The following KANSL1L variants were observed in gnomAD, a reference collection of about 807,000 sequenced individuals.
KANSL1L encodes the protein KAT8 regulatory NSL complex subunit 1-like protein.
Under a neutral mutation model 108.6 loss-of-function variants are expected in KANSL1L, and 25 were observed. The ratio of observed to expected loss-of-function variants is 0.23; its 90% CI spans 0.17 to 0.32. The LOEUF (loss-of-function observed/expected upper bound fraction) is 0.32. Ranked by LOEUF, KANSL1L falls within the 10% of genes least tolerant of loss-of-function variation. The pLI, the probability that KANSL1L is intolerant of heterozygous loss-of-function variation, is 1.00. For synonymous variants in KANSL1L, 405 were observed against 395.1 expected, an observed-to-expected ratio of 1.03 and a Z score of -0.30; for missense variants, 1,137 against 1,125.7, an observed-to-expected ratio of 1.01 and a Z score of -0.14.
At chr2:210,106,974 TA>T (rs575919743) in intron 3 of KANSL1L, among the ~76,000 whole-genome samples, 1 of 151,976 alleles carries the variant, frequency 6.6e-6, no homozygotes, top group African/African-American at 2.4e-5. Flanking sequence ...TTTCTGTTCT[TA>T]AAAAAATTAG....
chr2:210,045,891 A>G (rs1314423972), intron 6 of KANSL1L, among the ~76,000 whole-genome samples: 1 of 152,058 alleles, frequency 6.6e-6, no homozygotes, highest in Non-Finnish European at 1.5e-5. Flanking sequence ...TTACTTTTTT[A>G]GCAGGCTTAC....
chr2:210,111,184 T>A (rs759152933), intron 3 of KANSL1L, among the ~76,000 whole-genome samples: 1 of 150,566 alleles, frequency 6.6e-6, no homozygotes, highest in Non-Finnish European at 1.5e-5. Flanking sequence ...CTAAAACTTA[T>A]AGATGAATAT....
At position 210,132,673 on chromosome 2, in the gene KANSL1L, A is replaced by T. The variant is rs958154191; in HGVS notation, c.1089-3501T>A. Among the ~76,000 whole-genome samples, 8 of 152,204 alleles carry T rather than the reference A, an allele frequency of 5.3e-5. No homozygotes were observed. In the South Asian group the frequency reaches 8.3e-4, roughly 16 times the overall value. ...TCTTTGTTTTGACCTCCTGGTATGAACTCATTTGGTCATGATGAATTTTTA... is the reference window on the plus strand; with the variant it reads ...TCTTTGTTTTGACCTCCTGGTATGATCTCATTTGGTCATGATGAATTTTTA... On this transcript the variant is annotated intron_variant, in intron 2 of 14. Transcript: ENST00000281772.
intron 6 of KANSL1L, among the ~76,000 whole-genome samples, chr2:210,062,294 T>C (rs749984861): frequency 6.6e-6 from 1 of 152,264 alleles, no homozygotes; most frequent in Admixed American, 6.5e-5. Context: ...TGTGCGGTGA[T>C]TGTGAGGCAT....
At chr2:210,057,583 C>T (rs1437693617) in intron 6 of KANSL1L, among the ~76,000 whole-genome samples, 1 of 152,258 alleles carries the variant, frequency 6.6e-6, no homozygotes, top group East Asian at 1.9e-4. Flanking sequence ...CACATGTAGT[C>T]CCAGCTACTC....
intron 5 of KANSL1L, among the ~76,000 whole-genome samples, chr2:210,078,241 A>G (rs1291878146): frequency 6.6e-6 from 1 of 152,140 alleles, no homozygotes; most frequent in Non-Finnish European, 1.5e-5. Flanking sequence ...GATAATAGAA[A>G]TTTTTCAGCT....
At chr2:210,067,979 G>A (rs570488026) in intron 6 of KANSL1L, among the ~76,000 whole-genome samples, 2 of 152,132 alleles carry the variant, frequency 1.3e-5, no homozygotes, top group East Asian at 3.9e-4. Context: ...CTGGGTTCAA[G>A]CAATTTTCCT....
intron 5 of KANSL1L, among the ~76,000 whole-genome samples, chr2:210,082,560 G>C (rs2094598734): frequency 1.3e-5 from 2 of 152,162 alleles, no homozygotes; most frequent in Admixed American, 6.5e-5. Context: ...TGGAAAAATA[G>C]ACGAATACCA....
At chr2:210,108,616 C>G (rs1201489014) in intron 3 of KANSL1L, among the ~76,000 whole-genome samples, 1 of 151,196 alleles carries the variant, frequency 6.6e-6, no homozygotes, top group Admixed American at 6.6e-5. Flanking sequence ...ACTCTATTTG[C>G]TATAAAAAAC....
At chr2:210,113,436 A>G (rs2125472018) in intron 3 of KANSL1L, among the ~76,000 whole-genome samples, 1 of 152,282 alleles carries the variant, frequency 6.6e-6, no homozygotes, top group East Asian at 1.9e-4. Context: ...TAATAAACAA[A>G]AATGATTTTA....
chr2:210,120,851 C>T (rs1240219764), intron 3 of KANSL1L, among the ~76,000 whole-genome samples: 1 of 152,134 alleles, frequency 6.6e-6, no homozygotes, highest in Non-Finnish European at 1.5e-5. Flanking sequence ...TGAAAAGACA[C>T]TTTTCAACAG....
intron 3 of KANSL1L, among the ~76,000 whole-genome samples, chr2:210,114,249 C>T (rs775052900): frequency 5.3e-5 from 8 of 151,906 alleles, no homozygotes; most frequent in Non-Finnish European, 1.2e-4. Flanking sequence ...TTTGGAGGTC[C>T]AAAGGCAGTT....
At chr2:210,034,243 T>C (rs1186458584) in intron 8 of KANSL1L, among the ~76,000 whole-genome samples, 1 of 152,220 alleles carries the variant, frequency 6.6e-6, no homozygotes, top group Non-Finnish European at 1.5e-5. Flanking sequence ...TAGGAAAATA[T>C]TCATTTCAGT....
chr2:210,083,841 A>T (rs1238461290), intron 5 of KANSL1L, among the ~76,000 whole-genome samples: 2 of 151,326 alleles, frequency 1.3e-5, no homozygotes, highest in Non-Finnish European at 2.9e-5. Context: ...AAAAAAAAAA[A>T]AAAAAAAAGT....
chr2:210,149,584 A>C (rs2095288123), intron 2 of KANSL1L, among the ~76,000 whole-genome samples: 1 of 152,098 alleles, frequency 6.6e-6, no homozygotes, highest in Non-Finnish European at 1.5e-5. Context: ...AGAAAATAAC[A>C]AAAATAAACT....
At chr2:210,117,480 GA>G (rs1330446258) in intron 3 of KANSL1L, among the ~76,000 whole-genome samples, 1 of 152,100 alleles carries the variant, frequency 6.6e-6, no homozygotes, top group East Asian at 1.9e-4. Context: ...AGGGAATAAA[GA>G]AAGGATTCAA....
In KANSL1L at chr2:210,153,711, T is replaced by C; in HGVS notation, c.872A>G (p.Glu291Gly). The change falls in exon 2 of 15, where the codon GAA becomes GGA. Residue 291 changes from glutamate (E) to glycine (G), a missense_variant. Glu to Gly is a moderately conservative substitution (Grantham distance 98, BLOSUM62 -2). This residue lies in a region of KANSL1L where 556 missense variants were observed against 537.7 expected (regional missense o/e 1.03). Coordinates refer to ENST00000281772, the MANE Select transcript of KANSL1L (RefSeq NM_152519.4). ...CAATGTGTTAACTTCTGGCTTAATT[T>C]CAGTGCATTTAGGTAAACTATTACC... ...ILGNSLPKCT[E>G]IKPEVNTLTA... is the part of the protein sequence containing the mutation. The C allele has an allele frequency of 6.2e-7, 1 of 1,604,226 alleles. No individual in the cohort carries two copies. Among genetic ancestry groups the C allele is most frequent in the South Asian group, 1.1e-5 (1 of 89,140 alleles).
chr2:210,084,377 G>A (rs1352342285), intron 5 of KANSL1L, among the ~76,000 whole-genome samples: 3 of 151,934 alleles, frequency 2.0e-5, no homozygotes, highest in East Asian at 1.9e-4. Flanking sequence ...AGCCGAGATC[G>A]CACCACTGCA....
In KANSL1L at chr2:210,153,598, T is replaced by A. The variant is rs2095316692; in HGVS notation, c.985A>T (p.Thr329Ser). ...AEIQRFAFSA[T>S]GLLSHVEEGL... ...TCTTCAACATGAGACAACAGCCCTGTAGCAGAAAATGCAAATCTTTGGATT... is the reference window on the plus strand; with the variant it reads ...TCTTCAACATGAGACAACAGCCCTGAAGCAGAAAATGCAAATCTTTGGATT... The change falls in exon 2 of 15, where the codon ACA becomes TCA. Residue 329 changes from threonine to serine, a missense_variant. Thr to Ser is a moderately conservative substitution (Grantham distance 58, BLOSUM62 1). Coordinates refer to ENST00000281772, the MANE Select transcript of KANSL1L (RefSeq NM_152519.4). The A allele has an allele frequency of 1.9e-6, 3 of 1,613,974 alleles. No individual in the cohort carries two copies. In the African/African-American group the frequency reaches 4.0e-5, roughly 22 times the overall value.
Sources: gnomAD v4.1 joint callset for allele counts (sites outside exome capture counted in the v4.1 genomes callset) on GRCh38, gnomAD v4.1.1 for gene constraint, gnomAD v4.1.1 regional missense constraint, MANE v1.5 for transcripts, NCBI Gene and HGNC (gene_info 2026-07-23, HGNC 2026-07-21) for gene names.